Variants in TMEM196 observed in about 807,000 individuals in gnomAD.
TMEM196 encodes the protein transmembrane protein 196.
A neutral mutation model predicts 20.0 loss-of-function variants in TMEM196; 17 were observed. That is an observed-to-expected ratio of 0.85 (90% confidence interval 0.58 to 1.27). The LOEUF is 1.27. TMEM196 is among the 50% of genes most tolerant of loss of function. TMEM196 has a pLI of 0.00. For synonymous variants in TMEM196, 113 were observed against 88.9 expected (o/e 1.27, Z -1.52); for missense variants, 267 against 223.0 (o/e 1.20, Z -1.26).
At chr7:19,767,269 A>C (rs966711095) in intron 1 of TMEM196, among the ~76,000 whole-genome samples, 1 of 152,082 alleles carries the variant, frequency 6.6e-6, no homozygotes, top group Non-Finnish European at 1.5e-5. Context: ...ACATATTTAC[A>C]TCTCTTTTGA....
In TMEM196 at chr7:19,729,371, C is replaced by A; in HGVS notation, c.204+11G>T. On this transcript the variant is annotated intron_variant, in intron 2 of 4. Coordinates refer to ENST00000405844, the MANE Select transcript of TMEM196 (RefSeq NM_001363562.2). ...ACCTCAATGCACAATACAAACAAAT[C>A]AAACACTTACGACAAGTCCTGATTT... 1 of 1,547,488 alleles carries A rather than the reference C, an allele frequency of 6.5e-7. No individual in the cohort carries two copies. Among genetic ancestry groups the A allele is most frequent in the South Asian group, 1.2e-5 (1 of 83,846 alleles).
rs1429593840 is a variant in TMEM196, at chr7:19,772,616, G to T, written c.81C>A (p.Ala27=). 2.6e-6 allele frequency: 4 copies of T among 1,546,352 alleles called. No homozygotes were observed. In the African/African-American group the frequency reaches 5.5e-5, roughly 21 times the overall value. The change falls in exon 1 of 5, where the codon GCC becomes GCA. Residue 27 remains alanine (A), a synonymous_variant. Coordinates refer to ENST00000405844, the MANE Select transcript of TMEM196 (RefSeq NM_001363562.2). ...LEIGLGVSSV[A]VGAVSFSLAL... is the part of the protein sequence containing the mutation. ...CCAGGCTGAAGCTGACCGCCCCCAC[G>T]GCCACGCTGGACACCCCCAGCCCTA...
At chr7:19,745,554 G>C (rs938938940) in intron 1 of TMEM196, among the ~76,000 whole-genome samples, 4 of 151,736 alleles carry the variant, frequency 2.6e-5, no homozygotes, top group African/African-American at 9.7e-5. Context: ...TGGGGATAAA[G>C]CCTAACACAG....
In TMEM196 at chr7:19,719,769, T is replaced by A. The variant is rs1426959910; in HGVS notation, c.*2359A>T. 1 of 152,122 alleles carries A rather than the reference T, an allele frequency of 6.6e-6. No individual in the cohort carries two copies. The highest frequency in any genetic ancestry group is 1.9e-4 in the East Asian group (1 of 5,194). 9.4% of individuals were successfully genotyped at this position (152,122 alleles called of 1,614,324 possible). On this transcript the variant is annotated 3_prime_UTR_variant, in exon 5 of 5. Transcript: ENST00000405844. ...ATTCTAAACTCAATTCTGAAAATAC[T>A]AGGTAGAAATAATCATATTTAAAAA...
intron 1 of TMEM196, among the ~76,000 whole-genome samples, chr7:19,767,248 C>A (rs1785669703): frequency 6.6e-6 from 1 of 152,016 alleles, no homozygotes; most frequent in African/African-American, 2.4e-5. Flanking sequence ...CAATTTACAC[C>A]AGAAATAAAC....
chr7:19,720,626 T>G lies in TMEM196; in HGVS notation c.*1502A>C, dbSNP rs1583409519. ...TCTGATAAATATATTCAGATATATG[T>G]TGTTTTTTCACTTATATGTGTTGTT... On this transcript the variant is annotated 3_prime_UTR_variant, in exon 5 of 5. Coordinates refer to ENST00000405844, the MANE Select transcript of TMEM196 (RefSeq NM_001363562.2). The G allele has an allele frequency of 6.6e-6, 1 of 152,012 alleles. No individual in the cohort carries two copies. The allele number at this position is 152,012 out of a possible 1,614,324, so 9.4% of individuals were successfully genotyped here. A position where few individuals can be genotyped will look rare whatever the true frequency, so the allele number is the denominator to read the frequency against.
chr7:19,761,785 G>A (rs1785446008), intron 1 of TMEM196, among the ~76,000 whole-genome samples: 1 of 152,096 alleles, frequency 6.6e-6, no homozygotes, highest in African/African-American at 2.4e-5. Flanking sequence ...TAGCTAACAG[G>A]CATGCACACA....
intron 4 of TMEM196, 49 bp downstream of exon 4, chr7:19,724,231 C>T: frequency 6.7e-7 from 1 of 1,498,800 alleles, no homozygotes; most frequent in Non-Finnish European, 9.1e-7. Context: ...AGGGGAAGTG[C>T]TTTCTGCAGC....
intron 1 of TMEM196, among the ~76,000 whole-genome samples, chr7:19,752,739 C>T (rs1033136294): frequency 2.0e-5 from 3 of 151,910 alleles, no homozygotes; most frequent in Non-Finnish European, 2.9e-5. Context: ...CTCAGCCTCC[C>T]GAGTAGCTGG....
At chr7:19,739,924 C>T (rs575434852) in intron 1 of TMEM196, among the ~76,000 whole-genome samples, 3 of 152,152 alleles carry the variant, frequency 2.0e-5, no homozygotes, top group African/African-American at 4.8e-5. Context: ...GAAAGGAATT[C>T]AGCAACAATT....
intron 1 of TMEM196, among the ~76,000 whole-genome samples, chr7:19,734,421 A>G (rs756010226): frequency 1.2e-4 from 18 of 152,334 alleles, no homozygotes; most frequent in Admixed American, 2.6e-4. Context: ...TGAATATTAT[A>G]GGGTAAAAAA....
At chr7:19,725,879 T>G in intron 2 of TMEM196, 111 bp from the exon 3 acceptor site, 3 of 1,338,696 alleles carry the variant, frequency 2.2e-6, no homozygotes, top group Non-Finnish European at 3.0e-6. Flanking sequence ...TAAAGAAGAA[T>G]AAGCGGTTTT....
chr7:19,743,309 T>C (rs1784640293), intron 1 of TMEM196, among the ~76,000 whole-genome samples: 1 of 152,184 alleles, frequency 6.6e-6, no homozygotes, highest in South Asian at 2.1e-4. Context: ...TTAACAAAAG[T>C]AGTTGTCTCA....
chr7:19,762,686 A>G (rs1482303636), intron 1 of TMEM196, among the ~76,000 whole-genome samples: 1 of 152,196 alleles, frequency 6.6e-6, no homozygotes, highest in Non-Finnish European at 1.5e-5. Flanking sequence ...TGGAAACTAT[A>G]ATAGGGTTTA....
intron 1 of TMEM196, among the ~76,000 whole-genome samples, chr7:19,754,928 A>C (rs914600264): frequency 1.3e-5 from 2 of 152,212 alleles, no homozygotes; most frequent in Non-Finnish European, 2.9e-5. Flanking sequence ...CACAGCTGAT[A>C]CAGCACTTAT....
In TMEM196 at chr7:19,773,023, G is replaced by A; in HGVS notation, c.-327C>T. The A allele has an allele frequency of 4.7e-6, 1 of 210,940 alleles. No homozygotes were observed. 13.1% of individuals were successfully genotyped at this position (210,940 alleles called of 1,614,324 possible). ...CCTGGAGGAGCCCAGGGAGCTCCGA[G>A]CCTTGCTCCCCAGGCGCTGTCCAGA... On this transcript the variant is annotated 5_prime_UTR_variant, in exon 1 of 5. Transcript: ENST00000405844.
intron 2 of TMEM196, among the ~76,000 whole-genome samples, chr7:19,726,504 C>G (rs1784006136): frequency 1.3e-5 from 2 of 152,098 alleles, no homozygotes; most frequent in African/African-American, 4.8e-5. Flanking sequence ...CTTTGTGGCA[C>G]TATCATCATT....
chr7:19,726,384 C>G (rs1043724599), intron 2 of TMEM196, among the ~76,000 whole-genome samples: 3 of 152,084 alleles, frequency 2.0e-5, no homozygotes, highest in Non-Finnish European at 4.4e-5. Context: ...TTAGTTAAAT[C>G]TCTTTTTTTA....
intron 1 of TMEM196, among the ~76,000 whole-genome samples, chr7:19,736,178 A>G (rs1784391940): frequency 6.6e-6 from 1 of 151,706 alleles, no homozygotes. Context: ...AGCTCTTAGA[A>G]AGGTTATTTC....
Sources: allele counts gnomAD v4.1 joint callset (sites outside exome capture counted in the v4.1 genomes callset), GRCh38; gene constraint gnomAD v4.1.1; transcripts MANE v1.5; gene names NCBI Gene and HGNC (gene_info 2026-07-23, HGNC 2026-07-21).